The following GPR176 variants were observed in gnomAD, a reference collection of about 807,000 sequenced individuals.
The protein encoded by GPR176 is G protein-coupled receptor 176, also known as G-protein coupled receptor 176.
A neutral mutation model predicts 35.4 loss-of-function variants in GPR176; 26 were observed. The ratio of observed to expected loss-of-function variants is 0.74; its 90% CI spans 0.54 to 1.02. The LOEUF is 1.02. Among genes scored for constraint, GPR176 ranks in the 50% least tolerant of loss-of-function variants. The probability of loss-of-function intolerance (pLI) is 0.00; values close to 1 mark genes in which losing one functional copy is unlikely to be tolerated. For missense variants in GPR176, 597 were observed against 665.3 expected (o/e 0.90, Z 1.13); for synonymous variants, 278 against 271.3 (o/e 1.02, Z -0.24).
intron 1 of GPR176, among the ~76,000 whole-genome samples, chr15:39,838,516 TA>T (rs1163025120): frequency 5.3e-5 from 8 of 152,092 alleles, no homozygotes; most frequent in African/African-American, 1.9e-4. Context: ...TAATAGCCCA[TA>T]AGGGTTCAAT....
intron 1 of GPR176, among the ~76,000 whole-genome samples, chr15:39,893,192 G>A (rs1187349117): frequency 6.6e-6 from 1 of 152,102 alleles, no homozygotes; most frequent in Non-Finnish European, 1.5e-5. Context: ...TGGAGGGAAG[G>A]TCAGCAGATA....
intron 1 of GPR176, among the ~76,000 whole-genome samples, chr15:39,919,543 G>C (rs886399672): frequency 6.6e-6 from 1 of 152,140 alleles, no homozygotes; most frequent in African/African-American, 2.4e-5. Context: ...TTGTAAACAA[G>C]AGCTGAAGCC....
At chr15:39,826,654 C>T (rs1355396056) in intron 1 of GPR176, among the ~76,000 whole-genome samples, 1 of 152,220 alleles carries the variant, frequency 6.6e-6, no homozygotes, top group Non-Finnish European at 1.5e-5. Flanking sequence ...TTGCTTGAAA[C>T]CCATCTTTTT....
intron 1 of GPR176, among the ~76,000 whole-genome samples, chr15:39,865,715 A>G (rs571796625): frequency 6.6e-6 from 1 of 152,192 alleles, no homozygotes; most frequent in South Asian, 2.1e-4. Context: ...AAAAAGGACT[A>G]TATCAAAGTG....
At chr15:39,870,175 T>G (rs2140837711) in intron 1 of GPR176, among the ~76,000 whole-genome samples, 1 of 152,266 alleles carries the variant, frequency 6.6e-6, no homozygotes, top group Admixed American at 6.5e-5. Flanking sequence ...TGTAGTCAAA[T>G]CTCCCTCCCT....
rs374275937 is a variant in GPR176, at chr15:39,810,450, G to A, written c.173-3192C>T. ...TTAGCTTTGGTTGTCCTTTTAAACCGGTTTATTGGCTTTGCATCTTTGAGA... is the reference window on the plus strand; with the variant it reads ...TTAGCTTTGGTTGTCCTTTTAAACCAGTTTATTGGCTTTGCATCTTTGAGA... On this transcript the variant is annotated intron_variant, in intron 1 of 2. Transcript: ENST00000561100. 1.4e-4 allele frequency among the ~76,000 whole-genome samples: 22 copies of A among 152,192 alleles called. No individual in the cohort carries two copies. The East Asian group carries it at 1.9e-3, about 13-fold the overall frequency.
At chr15:39,872,140 A>T (rs138878562) in intron 1 of GPR176, among the ~76,000 whole-genome samples, 12 of 152,360 alleles carry the variant, frequency 7.9e-5, no homozygotes, top group African/African-American at 2.9e-4. Context: ...GCTGCATGAA[A>T]ATAACTCAGT....
chr15:39,919,911 A>T lies in GPR176; in HGVS notation c.116T>A (p.Leu39Gln). Residue 39 changes from leucine (L) to glutamine (Q), a missense_variant, in exon 1 of 3, where the codon CTG (leucine) becomes CAG (glutamine). Around this residue, in one of 3 missense-constraint regions of GPR176, gnomAD observed 126 missense variants for 112.4 expected, o/e 1.12. Coordinates refer to ENST00000561100, the MANE Select transcript of GPR176 (RefSeq NM_007223.3). ...CACGGTGGTGGTGAACTGGCGGTAC[A>T]GCTGCGCCTCGCCGAACTCCCCGAG... is the stretch of plus-strand genomic sequence containing the variant. Reference protein sequence around the residue: ...SALGEFGEAQLYRQFTTTVQV... With the variant: ...SALGEFGEAQQYRQFTTTVQV... 1 of 1,527,742 alleles carries T rather than the reference A, an allele frequency of 6.5e-7. No homozygotes were observed. The highest frequency in any genetic ancestry group is 2.2e-5 in the Admixed American group (1 of 45,366). The allele number at this position is 1,527,742 out of a possible 1,614,324, so 94.6% of individuals were successfully genotyped here.
intron 1 of GPR176, among the ~76,000 whole-genome samples, chr15:39,835,685 C>T (rs1901357588): frequency 6.6e-6 from 1 of 152,188 alleles, no homozygotes; most frequent in African/African-American, 2.4e-5. Flanking sequence ...TGAGTATCAC[C>T]TGTCTTTAAG....
At chr15:39,874,915 C>T (rs757591331) in intron 1 of GPR176, among the ~76,000 whole-genome samples, 1 of 152,090 alleles carries the variant, frequency 6.6e-6, no homozygotes, top group African/African-American at 2.4e-5. Flanking sequence ...TGATGGCGCA[C>T]GCCTGTAATC....
intron 1 of GPR176, among the ~76,000 whole-genome samples, chr15:39,919,071 C>A (rs2033803232): frequency 6.6e-6 from 1 of 152,004 alleles, no homozygotes; most frequent in African/African-American, 2.4e-5. Flanking sequence ...TGAAGAGGAG[C>A]GATAAAGACT....
intron 1 of GPR176, among the ~76,000 whole-genome samples, chr15:39,915,686 C>T (rs1277454353): frequency 1.3e-5 from 2 of 152,006 alleles, no homozygotes; most frequent in Non-Finnish European, 2.9e-5. Context: ...ACCATCCTGG[C>T]CAACTTGGTG....
intron 1 of GPR176, among the ~76,000 whole-genome samples, chr15:39,908,391 A>G (rs928798283): frequency 2.0e-5 from 3 of 152,132 alleles, no homozygotes; most frequent in Non-Finnish European, 2.9e-5. Context: ...GTGCTATTAA[A>G]TGAGTCACTA....
chr15:39,851,855 G>A (rs1039292138), intron 1 of GPR176, among the ~76,000 whole-genome samples: 3 of 152,062 alleles, frequency 2.0e-5, no homozygotes, highest in South Asian at 2.1e-4. Flanking sequence ...TTTATATAAC[G>A]TCATAGTGAC....
intron 1 of GPR176, among the ~76,000 whole-genome samples, chr15:39,871,118 G>A (rs1454379709): frequency 1.3e-5 from 2 of 152,182 alleles, no homozygotes; most frequent in African/African-American, 2.4e-5. Context: ...AACTAATACA[G>A]TTGGCAAGCA....
chr15:39,887,458 C>A (rs2032713047), intron 1 of GPR176, among the ~76,000 whole-genome samples: 1 of 152,182 alleles, frequency 6.6e-6, no homozygotes, highest in African/African-American at 2.4e-5. Flanking sequence ...AAAACAGCAG[C>A]ATCATTCATC....
intron 1 of GPR176, among the ~76,000 whole-genome samples, chr15:39,878,137 G>GTGTGTGCTA (rs2032328260): frequency 4.5e-5 from 1 of 22,078 alleles, no homozygotes; most frequent in Non-Finnish European, 1.5e-4. Flanking sequence ...TGTGTGTGTT[G>GTGTGTGCTA]AGAACATTTA....
chr15:39,803,603 C>T (rs1899021203), intron 2 of GPR176, among the ~76,000 whole-genome samples: 1 of 152,084 alleles, frequency 6.6e-6, no homozygotes, highest in Admixed American at 6.6e-5. Flanking sequence ...TACTTCTGAG[C>T]ACCACCTATG....
chr15:39,870,443 C>T (rs961415835), intron 1 of GPR176, among the ~76,000 whole-genome samples: 3 of 152,110 alleles, frequency 2.0e-5, no homozygotes, highest in African/African-American at 7.2e-5. Context: ...AAAGGATAAC[C>T]GCAAATCTCT....
Sources: gnomAD v4.1 joint callset for allele counts (sites outside exome capture counted in the v4.1 genomes callset) on GRCh38, gnomAD v4.1.1 for gene constraint, gnomAD v4.1.1 regional missense constraint, MANE v1.5 for transcripts, NCBI Gene and HGNC (gene_info 2026-07-23, HGNC 2026-07-21) for gene names.